TSPEAR: variants seen among roughly 807,000 people sequenced by gnomAD.
The protein encoded by TSPEAR is thrombospondin type laminin G domain and EAR repeats, also known as thrombospondin-type laminin G domain and EAR repeat-containing protein.
A neutral mutation model predicts 71.6 loss-of-function variants in TSPEAR; 69 were observed. The ratio of observed to expected loss-of-function variants is 0.96; its 90% confidence interval spans 0.79 to 1.18. The LOEUF is 1.18. TSPEAR is among the 50% of genes most tolerant of loss of function. The probability of loss-of-function intolerance (pLI) is 0.00; values close to 1 mark genes in which losing one functional copy is unlikely to be tolerated. For synonymous variants in TSPEAR, 402 were observed against 387.2 expected (o/e 1.04, Z -0.45); for missense variants, 971 against 894.9 (o/e 1.09, Z -1.09).
intron 1 of TSPEAR, among the ~76,000 whole-genome samples, chr21:44,708,624 A>C (rs1108260): frequency 0.91 from 138,619 of 152,266 alleles, 63,508 homozygotes; most frequent in African/African-American, 0.97. Context: ...TGGGATGCAC[A>C]CTGCCCGTCC....
rs1434258016 is a variant in TSPEAR at position 44,528,484 on chromosome 21, C to T, written c.890G>A (p.Cys297Tyr). The T allele has an allele frequency of 6.2e-7, 1 of 1,614,080 alleles. No individual in the cohort carries two copies. The highest frequency in any genetic ancestry group is 2.2e-5 in the East Asian group (1 of 44,886). ...FDASRKGLYL[C>Y]VGNEWVSVLA... is the part of the protein sequence containing the mutation. ...CACGGAGACCCACTCGTTGCCAACA[C>T]ACAGATACAGGCCCTTCCGGCTGGC... The change falls in exon 6 of 12, where the codon TGT becomes TAT. Residue 297 changes from cysteine to tyrosine, a missense_variant. Coordinates refer to ENST00000323084, the MANE Select transcript of TSPEAR (RefSeq NM_144991.3).
chr21:44,676,307 A>G (rs1986310429), intron 1 of TSPEAR: 1 of 1,208,176 alleles, frequency 8.3e-7, no homozygotes, highest in African/African-American at 1.5e-5. Flanking sequence ...GCTGTGGCTA[A>G]AGCTTTAGTA....
At chr21:44,517,523 C>G (rs1042664259) in intron 9 of TSPEAR, 3 of 333,220 alleles carry the variant, frequency 9.0e-6, no homozygotes, top group African/African-American at 6.5e-5. Flanking sequence ...TGTGAGGACA[C>G]GTGAGTACAG....
intron 1 of TSPEAR, among the ~76,000 whole-genome samples, chr21:44,597,433 T>C (rs1188743451): frequency 7.1e-6 from 1 of 141,232 alleles, no homozygotes; most frequent in Non-Finnish European, 1.5e-5. Context: ...TCTTTCTTTC[T>C]TTTCTTTTTT....
chr21:44,552,945 C>G (rs1351598240), intron 2 of TSPEAR, among the ~76,000 whole-genome samples: 2 of 152,216 alleles, frequency 1.3e-5, no homozygotes, highest in Non-Finnish European at 2.9e-5. Context: ...GCACTGGGAG[C>G]CAGGGTGAGA....
In TSPEAR at chr21:44,620,759, A is replaced by G. The variant is rs184593257; in HGVS notation, c.83-52754T>C. Reference sequence around the variant, plus strand: ...CTTAAGGTGTAAAGTTAAATTAATGATTTGAGATGTTTCTATTTTTTTATG... The same window carrying G: ...CTTAAGGTGTAAAGTTAAATTAATGGTTTGAGATGTTTCTATTTTTTTATG... On this transcript the variant is annotated intron_variant, in intron 1 of 11. Transcript: ENST00000323084. 3.8e-3 allele frequency among the ~76,000 whole-genome samples: 576 copies of G among 152,280 alleles called. 3 individuals carry two copies. The highest frequency in any genetic ancestry group is 0.013 in the African/African-American group (550 of 41,550).
chr21:44,604,830 A>G (rs1173837080), intron 1 of TSPEAR, among the ~76,000 whole-genome samples: 1 of 152,212 alleles, frequency 6.6e-6, no homozygotes, highest in East Asian at 1.9e-4. Context: ...GGTCTTTTGC[A>G]TCTATTGGGG....
At chr21:44,677,528 A>AC (rs1361007716) in intron 1 of TSPEAR, 1 of 826,874 alleles carries the variant, frequency 1.2e-6, no homozygotes, top group Non-Finnish European at 2.1e-6. Flanking sequence ...CAATTTCTTC[A>AC]CATGGTCGTT....
intron 1 of TSPEAR, among the ~76,000 whole-genome samples, chr21:44,653,366 C>G (rs760810742): frequency 6.6e-6 from 1 of 152,138 alleles, no homozygotes; most frequent in African/African-American, 2.4e-5. Flanking sequence ...GAACTGTGAG[C>G]TGAAACCCGG....
At chr21:44,590,896 C>A (rs1206348757) in intron 1 of TSPEAR, among the ~76,000 whole-genome samples, 1 of 152,076 alleles carries the variant, frequency 6.6e-6, no homozygotes, top group Admixed American at 6.5e-5. Context: ...GGGAGACTGG[C>A]CTTCAGGGTT....
intron 9 of TSPEAR, among the ~76,000 whole-genome samples, chr21:44,521,124 A>C (rs1343607918): frequency 6.6e-6 from 1 of 152,188 alleles, no homozygotes; most frequent in Non-Finnish European, 1.5e-5. Context: ...GTGATGTCTT[A>C]TGAGAGGCAC....
At chr21:44,551,244 G>T (rs782349134) in intron 2 of TSPEAR, 4 of 1,613,890 alleles carry the variant, frequency 2.5e-6, no homozygotes, top group Non-Finnish European at 3.4e-6. Flanking sequence ...GCAGGAGCTG[G>T]TGCAGCCTGA....
At chr21:44,658,026 T>G (rs587612023) in intron 1 of TSPEAR, 1 of 1,614,020 alleles carries the variant, frequency 6.2e-7, no homozygotes, top group South Asian at 1.1e-5. Flanking sequence ...ACCTGCTGCA[T>G]ACACAGCCCC....
Position 44,527,396 on chromosome 21 carries a change from C to T in TSPEAR, c.1045G>A (p.Ala349Thr), listed in dbSNP as rs1555915079. The change falls in exon 7 of 12, where the codon GCC becomes ACC. Residue 349 changes from alanine (A) to threonine (T), a missense_variant. Physicochemically the swap from Ala to Thr is moderately conservative, Grantham distance 58. Transcript: ENST00000323084. ...GTCCACTTGTAGACGGCGGATGTGG[C>T]TTTGCGATTGGCTGTGGCCACAAAG... The part of the protein sequence containing the change: ...GLFVATANRK[A>T]TSAVYKWTEE... The T allele has an allele frequency of 6.2e-7, 1 of 1,614,204 alleles. No individual in the cohort carries two copies.
At chr21:44,511,465 T>C (rs1286082299) in intron 9 of TSPEAR, among the ~76,000 whole-genome samples, 2 of 152,228 alleles carry the variant, frequency 1.3e-5, no homozygotes, top group Non-Finnish European at 2.9e-5. Flanking sequence ...CATGTATACA[T>C]ACACATGTAT....
chr21:44,704,712 C>G (rs550624268), intron 1 of TSPEAR, among the ~76,000 whole-genome samples: 7 of 152,320 alleles, frequency 4.6e-5, no homozygotes, highest in African/African-American at 1.7e-4. Context: ...AGAAGAGGAG[C>G]CTCGGTGGGT....
intron 11 of TSPEAR, among the ~76,000 whole-genome samples, chr21:44,503,430 G>C (rs1444052739): frequency 7.8e-6 from 1 of 128,384 alleles, no homozygotes; most frequent in Non-Finnish European, 1.7e-5. Flanking sequence ...GTGAGCCCTC[G>C]GGGGGAAGCA....
At chr21:44,629,493 G>A (rs1983129008) in intron 1 of TSPEAR, among the ~76,000 whole-genome samples, 1 of 152,148 alleles carries the variant, frequency 6.6e-6, no homozygotes, top group South Asian at 2.1e-4. Flanking sequence ...ATTGGATTAG[G>A]GCCCATCCAT....
At chr21:44,547,871 C>T (rs951789495) in intron 2 of TSPEAR, among the ~76,000 whole-genome samples, 16 of 152,170 alleles carry the variant, frequency 1.1e-4, no homozygotes, top group African/African-American at 3.9e-4. Flanking sequence ...CAGAGGTGAG[C>T]ACTGAGAGCT....
Sources: allele counts gnomAD v4.1 joint callset (sites outside exome capture counted in the v4.1 genomes callset), GRCh38; gene constraint gnomAD v4.1.1; transcripts MANE v1.5; gene names NCBI Gene and HGNC (gene_info 2026-07-23, HGNC 2026-07-21).